Variants in GRIN2A observed in about 807,000 individuals in gnomAD.
GRIN2A encodes glutamate receptor ionotropic, NMDA 2A.
GRIN2A carries 22 observed loss-of-function variants against 113.4 expected under a neutral mutation model. The ratio of observed to expected loss-of-function variants is 0.19; its 90% CI spans 0.14 to 0.28. GRIN2A has a LOEUF of 0.28. GRIN2A is among the 10% of genes least tolerant of loss of function. The pLI is 1.00. For synonymous variants in GRIN2A, 827 were observed against 738.4 expected, an observed-to-expected ratio of 1.12 and a Z score of -1.94; for missense variants, 1,502 against 1,887.0, an observed-to-expected ratio of 0.80 and a Z score of 3.78.
At chr16:10,127,750 C>T (rs1237897128) in intron 2 of GRIN2A, among the ~76,000 whole-genome samples, 1 of 152,170 alleles carries the variant, frequency 6.6e-6, no homozygotes, top group Non-Finnish European at 1.5e-5. Context: ...AGGGCCAGCA[C>T]CACCGCTATC....
intron 2 of GRIN2A, among the ~76,000 whole-genome samples, chr16:10,109,593 G>A (rs79546108): frequency 0.2 from 29,474 of 150,594 alleles, 3,581 homozygotes; most frequent in East Asian, 0.44. Context: ...ACACCATGAA[G>A]GTAGGCTGAA....
intron 2 of GRIN2A, among the ~76,000 whole-genome samples, chr16:10,048,914 C>T (rs904662744): frequency 6.6e-6 from 1 of 152,222 alleles, no homozygotes; most frequent in Non-Finnish European, 1.5e-5. Context: ...AAGCCTCCTT[C>T]CTGCTGACGT....
intron 4 of GRIN2A, among the ~76,000 whole-genome samples, chr16:9,889,778 T>C (rs939521290): frequency 9.9e-5 from 15 of 152,208 alleles, no homozygotes; most frequent in African/African-American, 3.6e-4. Flanking sequence ...TTTTTGTTAC[T>C]AATTTTTATT....
intron 2 of GRIN2A, among the ~76,000 whole-genome samples, chr16:10,075,853 A>G (rs1055756202): frequency 7.2e-5 from 11 of 152,218 alleles, no homozygotes; most frequent in Admixed American, 3.3e-4. Flanking sequence ...TATAATTAAT[A>G]TGCTAAAAAA....
intron 10 of GRIN2A, among the ~76,000 whole-genome samples, chr16:9,804,788 A>T (rs1473566222): frequency 6.6e-6 from 1 of 152,174 alleles, no homozygotes; most frequent in Non-Finnish European, 1.5e-5. Context: ...ACCCCCTGCC[A>T]GGCATCTTAG....
chr16:9,843,871 TA>T (rs1390598646), intron 5 of GRIN2A, among the ~76,000 whole-genome samples: 1 of 152,164 alleles, frequency 6.6e-6, no homozygotes, highest in Non-Finnish European at 1.5e-5. Flanking sequence ...GGGCTAGAGT[TA>T]AAACTGCCAC....
Position 9,988,224 on chromosome 16 carries a change from G to A in GRIN2A, c.415-49673C>T, listed in dbSNP as rs190197139. Among the ~76,000 whole-genome samples the A allele has an allele frequency of 2.6e-5, 4 of 152,084 alleles. No homozygotes were observed. The East Asian group carries it at 7.7e-4, about 29-fold the overall frequency. On this transcript the variant is annotated intron_variant, in intron 2 of 12. Coordinates refer to ENST00000330684, the MANE Select transcript of GRIN2A (RefSeq NM_001134407.3). ...AGAAAAGGAGATGTCAAGATGTCTG[G>A]GGAGTGTGTCTCTCCTGAACACTGA...
intron 2 of GRIN2A, among the ~76,000 whole-genome samples, chr16:10,075,429 A>G (rs2047851267): frequency 6.6e-6 from 1 of 152,092 alleles, no homozygotes; most frequent in Non-Finnish European, 1.5e-5. Context: ...AGTAGTTACC[A>G]GGGACCAAGC....
intron 3 of GRIN2A, among the ~76,000 whole-genome samples, chr16:9,929,511 T>A (rs1261465025): frequency 6.6e-6 from 1 of 152,190 alleles, no homozygotes; most frequent in Non-Finnish European, 1.5e-5. Flanking sequence ...CACTTCTCTC[T>A]GAATCCACAG....
At chr16:9,920,250 T>A (rs2044333629) in intron 3 of GRIN2A, among the ~76,000 whole-genome samples, 1 of 152,150 alleles carries the variant, frequency 6.6e-6, no homozygotes, top group Non-Finnish European at 1.5e-5. Flanking sequence ...AATGCATGAA[T>A]GAATGAACGA....
intron 4 of GRIN2A, among the ~76,000 whole-genome samples, chr16:9,855,142 C>T (rs1273181068): frequency 1.3e-5 from 2 of 152,080 alleles, no homozygotes; most frequent in Non-Finnish European, 2.9e-5. Context: ...CAAGAGGGTT[C>T]AGAATCATTA....
At chr16:9,777,030 T>C (rs1045851029) in intron 11 of GRIN2A, among the ~76,000 whole-genome samples, 12 of 152,248 alleles carry the variant, frequency 7.9e-5, no homozygotes, top group African/African-American at 2.4e-4. Context: ...ATGTGGTCTG[T>C]GGCCTTGGAG....
chr16:9,995,277 A>C (rs947287892), intron 2 of GRIN2A, among the ~76,000 whole-genome samples: 1 of 152,192 alleles, frequency 6.6e-6, no homozygotes, highest in Non-Finnish European at 1.5e-5. Context: ...CTAAGACACA[A>C]AGAGGTCAAA....
chr16:10,137,895 G>C (rs1024131115), intron 2 of GRIN2A, among the ~76,000 whole-genome samples: 5 of 152,172 alleles, frequency 3.3e-5, no homozygotes, highest in Non-Finnish European at 7.3e-5. Context: ...TAAACTCCTA[G>C]ATACTGAACA....
chr16:10,145,526 T>A (rs895107755), intron 2 of GRIN2A, among the ~76,000 whole-genome samples: 5 of 148,534 alleles, frequency 3.4e-5, no homozygotes, highest in Non-Finnish European at 6.0e-5. Flanking sequence ...AAAAAAAAAA[T>A]TGACCATGAG....
At chr16:9,815,156 A>AGATG (rs1240897387) in intron 10 of GRIN2A, among the ~76,000 whole-genome samples, 3 of 152,152 alleles carry the variant, frequency 2.0e-5, no homozygotes, top group African/African-American at 7.2e-5. Context: ...ACATACACGG[A>AGATG]GATGGGACTA....
At chr16:9,917,381 T>C (rs2044273259) in intron 3 of GRIN2A, among the ~76,000 whole-genome samples, 1 of 152,248 alleles carries the variant, frequency 6.6e-6, no homozygotes, top group Admixed American at 6.5e-5. Flanking sequence ...CACTGAACAC[T>C]AGGTAAATTC....
Position 9,762,751 on chromosome 16 carries a change from C to A in GRIN2A, c.*398G>T, listed in dbSNP as rs530493116. The A allele has an allele frequency of 1.8e-5, 7 of 383,544 alleles. No individual in the cohort carries two copies. In the South Asian group the frequency reaches 2.5e-4, roughly 14 times the overall value. 23.8% of individuals were successfully genotyped at this position (383,544 alleles called of 1,614,324 possible). A position where few individuals can be genotyped will look rare whatever the true frequency, so the allele number is the denominator to read the frequency against. On this transcript the variant is annotated 3_prime_UTR_variant, in exon 13 of 13. Coordinates refer to ENST00000330684, the MANE Select transcript of GRIN2A (RefSeq NM_001134407.3). ...TATTGCTTATTCTGTATTAGAGAAA[C>A]CATTAGGCATTTCTGATGAGAAAAT...
chr16:9,816,413 C>T (rs2042186472), intron 10 of GRIN2A, among the ~76,000 whole-genome samples: 1 of 152,092 alleles, frequency 6.6e-6, no homozygotes, highest in Non-Finnish European at 1.5e-5. Context: ...GACTGGGGAT[C>T]CTGAGAGCTG....
Sources: gnomAD v4.1 joint callset for allele counts (sites outside exome capture counted in the v4.1 genomes callset) on GRCh38, gnomAD v4.1.1 for gene constraint, MANE v1.5 for transcripts, NCBI Gene and HGNC (gene_info 2026-07-23, HGNC 2026-07-21) for gene names.